Variants in DLGAP2 observed in about 807,000 individuals in gnomAD.
DLGAP2 encodes disks large-associated protein 2.
Under a neutral mutation model 100.3 loss-of-function variants are expected in DLGAP2, and 26 were observed. That is an observed-to-expected ratio of 0.26 (90% CI 0.19 to 0.36). The LOEUF is 0.36. DLGAP2 is among the 10% of genes least tolerant of loss of function. The pLI, the probability that DLGAP2 is intolerant of heterozygous loss-of-function variation, is 1.00. For synonymous variants in DLGAP2, 886 were observed against 630.1 expected (o/e 1.41, Z -6.08); for missense variants, 1,858 against 1,453.2 (o/e 1.28, Z -4.53).
At chr8:1,543,619 A>G (rs536320547) in intron 4 of DLGAP2, among the ~76,000 whole-genome samples, 1 of 152,270 alleles carries the variant, frequency 6.6e-6, no homozygotes, top group East Asian at 1.9e-4. Context: ...TGAGTCTTCC[A>G]ACCTGGTTCT....
intron 6 of DLGAP2, among the ~76,000 whole-genome samples, chr8:1,580,334 A>G (rs1452959815): frequency 6.6e-6 from 1 of 152,194 alleles, no homozygotes; most frequent in East Asian, 1.9e-4. Context: ...GGTTTCAGAA[A>G]TAAAGGATTT....
intron 2 of DLGAP2, among the ~76,000 whole-genome samples, chr8:990,197 A>C (rs185200011): frequency 6.1e-4 from 93 of 152,072 alleles, no homozygotes; most frequent in African/African-American, 2.2e-3. Context: ...TGTTGGTGAG[A>C]GTATTCCCAA....
At chr8:1,376,655 C>G (rs756493330) in intron 3 of DLGAP2, among the ~76,000 whole-genome samples, 1 of 127,418 alleles carries the variant, frequency 7.8e-6, no homozygotes, top group Non-Finnish European at 1.7e-5. Context: ...GACCCTCACT[C>G]TGACCCCGGT....
chr8:910,279 C>G (rs1199323690), intron 2 of DLGAP2: 2 of 152,212 alleles, frequency 1.3e-5, no homozygotes, highest in South Asian at 2.1e-4. Flanking sequence ...GCTTTATACT[C>G]CATTAACTTT....
chr8:1,416,745 G>C (rs374772912), intron 3 of DLGAP2, among the ~76,000 whole-genome samples: 2 of 152,182 alleles, frequency 1.3e-5, no homozygotes, highest in Admixed American at 6.5e-5. Flanking sequence ...AAAAGGAATC[G>C]GACGTGTTGG....
At chr8:1,428,411 T>A (rs567553703) in intron 3 of DLGAP2, among the ~76,000 whole-genome samples, 1 of 152,106 alleles carries the variant, frequency 6.6e-6, no homozygotes, top group African/African-American at 2.4e-5. Flanking sequence ...GATCTCTCTT[T>A]CCTTGAGAGA....
chr8:1,007,145 G>A (rs917915072), intron 2 of DLGAP2, among the ~76,000 whole-genome samples: 179 of 151,862 alleles, frequency 1.2e-3, no homozygotes, highest in Non-Finnish European at 2.3e-3. Flanking sequence ...CCTTTATCAC[G>A]TCGGGTATGC....
At chr8:1,058,146 A>ATTGACTAGC (rs571978865) in intron 2 of DLGAP2, among the ~76,000 whole-genome samples, 211 of 151,976 alleles carry the variant, frequency 1.4e-3, no homozygotes, top group South Asian at 6.9e-3. Flanking sequence ...GCTTGGCTGG[A>ATTGACTAGC]TTGACTAGCG....
chr8:1,336,659 G>T (rs536628260), intron 3 of DLGAP2, among the ~76,000 whole-genome samples: 3 of 152,270 alleles, frequency 2.0e-5, no homozygotes, highest in East Asian at 3.9e-4. Flanking sequence ...ACAGGCTGGG[G>T]CCCCTCAAGG....
chr8:966,317 A>G (rs981390311), intron 2 of DLGAP2, among the ~76,000 whole-genome samples: 1 of 152,238 alleles, frequency 6.6e-6, no homozygotes, highest in Non-Finnish European at 1.5e-5. Context: ...ACACTTGATC[A>G]GAAAGAGAAA....
intron 1 of DLGAP2, among the ~76,000 whole-genome samples, chr8:786,301 G>C (rs987509500): frequency 6.6e-6 from 1 of 152,136 alleles, no homozygotes; most frequent in African/African-American, 2.4e-5. Flanking sequence ...GCTGGGTCCC[G>C]GAGGTCACCA....
At chr8:1,250,740 T>C (rs4357318) in intron 2 of DLGAP2, among the ~76,000 whole-genome samples, 117,565 of 151,916 alleles carry the variant, frequency 0.77, 46,077 homozygotes, top group Middle Eastern at 0.89. Flanking sequence ...AAAAATGGAA[T>C]GAGACTTGAG....
chr8:1,224,304 A>G (rs76484207), intron 2 of DLGAP2, among the ~76,000 whole-genome samples: 5 of 152,242 alleles, frequency 3.3e-5, no homozygotes, highest in African/African-American at 1.2e-4. Flanking sequence ...GACATAATTG[A>G]CATGCGTATT....
chr8:748,263 GC>G (rs879463003), intron 1 of DLGAP2, among the ~76,000 whole-genome samples: 44 of 150,112 alleles, frequency 2.9e-4, no homozygotes, highest in Non-Finnish European at 5.2e-4. Context: ...GATGGGGCCG[GC>G]CTCTGTGGTG....
chr8:1,589,942 G>A lies in DLGAP2; in HGVS notation c.1442+24048G>A, dbSNP rs1032154340. ...GCCATAACAAAGTACCACACACAGCGTGGCTTAAAACAATAGAAATTTACC... is the reference window on the plus strand; with the variant it reads ...GCCATAACAAAGTACCACACACAGCATGGCTTAAAACAATAGAAATTTACC... On this transcript the variant is annotated intron_variant, in intron 6 of 14. Transcript: ENST00000637795. Among the ~76,000 whole-genome samples, 5 of 152,170 alleles carry A rather than the reference G, an allele frequency of 3.3e-5. No homozygotes were observed. In the East Asian group the frequency reaches 9.6e-4, roughly 29 times the overall value.
At chr8:784,339 A>G (rs1472784805) in intron 1 of DLGAP2, among the ~76,000 whole-genome samples, 1 of 152,256 alleles carries the variant, frequency 6.6e-6, no homozygotes, top group African/African-American at 2.4e-5. Context: ...ATGCATACAC[A>G]TGAAATGTGT....
At chr8:1,523,874 C>T (rs117005424) in intron 4 of DLGAP2, among the ~76,000 whole-genome samples, 3 of 152,256 alleles carry the variant, frequency 2.0e-5, no homozygotes, top group East Asian at 1.9e-4. Context: ...ATTCAGTAAC[C>T]GCATAGAATT....
At chr8:1,001,023 G>A (rs1030472012) in intron 2 of DLGAP2, among the ~76,000 whole-genome samples, 1 of 152,170 alleles carries the variant, frequency 6.6e-6, no homozygotes, top group South Asian at 2.1e-4. Flanking sequence ...AGGAGGTGTC[G>A]ATGACATTTG....
chr8:1,138,723 G>A (rs1273793259), intron 2 of DLGAP2, among the ~76,000 whole-genome samples: 1 of 152,186 alleles, frequency 6.6e-6, no homozygotes, highest in Non-Finnish European at 1.5e-5. Flanking sequence ...TTCTCTTCCT[G>A]TTTATTTACT....
Sources: allele counts gnomAD v4.1 joint callset (sites outside exome capture counted in the v4.1 genomes callset), GRCh38; gene constraint gnomAD v4.1.1; transcripts MANE v1.5; gene names NCBI Gene and HGNC (gene_info 2026-07-23, HGNC 2026-07-21).